MTA3: variants seen among roughly 807,000 people sequenced by gnomAD.
MTA3 encodes the protein metastasis associated 1 family member 3.
In MTA3, 34 loss-of-function variants were observed where a neutral mutation model predicts 83.5. The observed-to-expected ratio is 0.41, with a 90% confidence interval of 0.31 to 0.54. The LOEUF (loss-of-function observed/expected upper bound fraction) is 0.54, where lower values mean the gene tolerates loss of function less well. Ranked by LOEUF, MTA3 falls within the 20% of genes least tolerant of loss-of-function variation. The probability of loss-of-function intolerance (pLI) is 0.33; values close to 1 mark genes in which losing one functional copy is unlikely to be tolerated. For synonymous variants in MTA3, 303 were observed against 252.7 expected, an observed-to-expected ratio of 1.20 and a Z score of -1.89; for missense variants, 761 against 726.4, an observed-to-expected ratio of 1.05 and a Z score of -0.55.
At chr2:42,660,074 G>C (rs1002952162) in intron 8 of MTA3, among the ~76,000 whole-genome samples, 1 of 151,512 alleles carries the variant, frequency 6.6e-6, no homozygotes, top group Admixed American at 6.6e-5. Context: ...AGAAAGAGGG[G>C]CTGTTTTTTT....
At chr2:42,520,643 T>TG (rs1323174691) in intron 2 of MTA3, among the ~76,000 whole-genome samples, 1 of 151,940 alleles carries the variant, frequency 6.6e-6, no homozygotes, top group African/African-American at 2.4e-5. Context: ...TCCAGTGGCC[T>TG]GATCATGAAC....
At position 42,753,451 on chromosome 2, in the gene MTA3, T is replaced by C. The variant is rs1300281404; in HGVS notation, c.*52T>C. On this transcript the variant is annotated 3_prime_UTR_variant, in exon 17 of 17. Transcript: ENST00000405094. ...AAGACTTGCTGCACTGTCCTGCTGA[T>C]GTTCACAGCCGTGCCTGGGAAGAAG... 66 of 1,550,100 alleles carry C rather than the reference T, an allele frequency of 4.3e-5. No individual in the cohort carries two copies. The highest frequency in any genetic ancestry group is 5.6e-5 in the Non-Finnish European group (64 of 1,146,712).
intron 14 of MTA3, among the ~76,000 whole-genome samples, chr2:42,712,332 G>T (rs1466927610): frequency 6.6e-6 from 1 of 151,892 alleles, no homozygotes; most frequent in East Asian, 1.9e-4. Flanking sequence ...GTCTTGCTCT[G>T]TTGCCCATGC....
chr2:42,653,000 T>G (rs1210924388), intron 6 of MTA3, among the ~76,000 whole-genome samples: 1 of 152,230 alleles, frequency 6.6e-6, no homozygotes, highest in Non-Finnish European at 1.5e-5. Flanking sequence ...GAATCCTTAG[T>G]TCTTCAGAGT....
intron 2 of MTA3, among the ~76,000 whole-genome samples, chr2:42,554,124 C>G (rs761101762): frequency 6.6e-6 from 1 of 151,684 alleles, no homozygotes; most frequent in Non-Finnish European, 1.5e-5. Flanking sequence ...ATCCCAGCTA[C>G]TCGGGAAGCT....
At position 42,708,945 on chromosome 2, in the gene MTA3, A is replaced by G; in HGVS notation, c.1374A>G (p.Pro458=). 2 of 1,614,044 alleles carry G rather than the reference A, an allele frequency of 1.2e-6. No homozygotes were observed. The highest frequency in any genetic ancestry group is 2.2e-5 in the East Asian group (1 of 44,890). The change falls in exon 14 of 17, where the codon CCA becomes CCG. Residue 458 remains proline, a synonymous_variant. Transcript: ENST00000405094. ...TGCCAGTCCGAAACACTGGGAGTCC[A>G]AAGTCTGCAGTGAAGACCCGCCAAG... ...QGMPVRNTGS[P]KSAVKTRQAF...
chr2:42,736,320 G>T (rs1053218580), intron 16 of MTA3, among the ~76,000 whole-genome samples: 12 of 152,160 alleles, frequency 7.9e-5, no homozygotes, highest in Non-Finnish European at 1.5e-4. Flanking sequence ...GCCTGGAGCT[G>T]GAGAAGGGAT....
Position 42,586,557 on chromosome 2 carries a change from A to AACACACACACAC in MTA3, c.190+7405_190+7416dup, listed in dbSNP as rs68029790. 1.0e-3 allele frequency among the ~76,000 whole-genome samples: 129 copies of AACACACACACAC among 125,980 alleles called. 1 individual carries two copies. The highest frequency in any genetic ancestry group is 2.1e-3 in the East Asian group (8 of 3,814). The allele number at this position is 125,980 out of a possible 152,430, so 82.6% of individuals were successfully genotyped here. ...AAAACACACACACACAAGGAAGGAAAACACACACACACACACACACACACA... is the reference window on the plus strand; with the variant it reads ...AAAACACACACACACAAGGAAGGAAAACACACACACACACACACACACACACACACACACACA... On this transcript the variant is annotated intron_variant, in intron 3 of 16. Coordinates refer to ENST00000405094, the MANE Select transcript of MTA3 (RefSeq NM_001330442.2).
chr2:42,730,836 G>C (rs1668183670), intron 16 of MTA3, among the ~76,000 whole-genome samples: 1 of 152,062 alleles, frequency 6.6e-6, no homozygotes, highest in Non-Finnish European at 1.5e-5. Context: ...AGGGTCCTGG[G>C]CTTTTTTTCT....
upstream of MTA3, among the ~76,000 whole-genome samples, chr2:42,564,221 G>A (rs1039163966): frequency 6.6e-6 from 1 of 152,176 alleles, no homozygotes; most frequent in Non-Finnish European, 1.5e-5. Context: ...TTATGACTTA[G>A]TCCCTTTTCT....
At chr2:42,494,238 C>G (rs906667843), upstream of MTA3, 6 of 151,988 alleles carry the variant, frequency 3.9e-5, no homozygotes, top group Non-Finnish European at 7.4e-5. Flanking sequence ...GGGAGGGGTC[C>G]GCAGGGCGGG....
chr2:42,713,469 G>A (rs1309289098), intron 14 of MTA3, among the ~76,000 whole-genome samples: 2 of 151,924 alleles, frequency 1.3e-5, no homozygotes, highest in Non-Finnish European at 2.9e-5. Context: ...TGTGCCTTGT[G>A]GTATAAGCCG....
At chr2:42,633,151 T>C (rs1381132487) in intron 4 of MTA3, among the ~76,000 whole-genome samples, 2 of 151,834 alleles carry the variant, frequency 1.3e-5, no homozygotes, top group Non-Finnish European at 2.9e-5. Context: ...TAGTCCTAGC[T>C]ACTCGGGAGG....
At chr2:42,681,695 G>C (rs1008009560) in intron 8 of MTA3, among the ~76,000 whole-genome samples, 1 of 151,662 alleles carries the variant, frequency 6.6e-6, no homozygotes, top group African/African-American at 2.4e-5. Flanking sequence ...TATTTTTGCA[G>C]AGACAGGTCT....
At chr2:42,694,037 G>A (rs1025238599) in intron 9 of MTA3, among the ~76,000 whole-genome samples, 3 of 152,158 alleles carry the variant, frequency 2.0e-5, no homozygotes, top group African/African-American at 4.8e-5. Context: ...TCCAGATGGT[G>A]TCTAGAAATG....
chr2:42,670,452 A>T (rs1013217535), intron 8 of MTA3, among the ~76,000 whole-genome samples: 1 of 152,162 alleles, frequency 6.6e-6, no homozygotes, highest in Non-Finnish European at 1.5e-5. Flanking sequence ...CATTTATTCT[A>T]TCTATAAAGT....
At chr2:42,507,064 C>G (rs191699098) in intron 2 of MTA3, among the ~76,000 whole-genome samples, 33 of 152,214 alleles carry the variant, frequency 2.2e-4, no homozygotes, top group African/African-American at 7.2e-4. Flanking sequence ...TCACGCTTGG[C>G]TAATTTTTTA....
intron 1 of MTA3, 53 bp downstream of exon 1, chr2:42,568,826 G>A (rs1678115342): frequency 8.2e-7 from 1 of 1,212,396 alleles, no homozygotes; most frequent in Admixed American, 4.3e-5. Flanking sequence ...CCGGGAGCGG[G>A]GGGCCGGGGC....
intron 2 of MTA3, among the ~76,000 whole-genome samples, chr2:42,495,615 G>T (rs1428754931): frequency 1.3e-5 from 2 of 152,036 alleles, no homozygotes; most frequent in Non-Finnish European, 1.5e-5. Flanking sequence ...GCAAAATCTC[G>T]AATGTGGAGG....
Sources: gnomAD v4.1 joint callset for allele counts (sites outside exome capture counted in the v4.1 genomes callset) on GRCh38, gnomAD v4.1.1 for gene constraint, MANE v1.5 for transcripts, NCBI Gene and HGNC (gene_info 2026-07-23, HGNC 2026-07-21) for gene names.